Variants in CCDC12 observed in about 807,000 individuals in gnomAD.
CCDC12 encodes coiled-coil domain-containing protein 12.
CCDC12 carries 28 observed loss-of-function variants against 25.7 expected under a neutral mutation model. The ratio of observed to expected loss-of-function variants is 1.09; its 90% CI spans 0.81 to 1.50. CCDC12 has a LOEUF of 1.50. Ranked by LOEUF, CCDC12 falls within the 40% of genes most tolerant of loss-of-function variation. The pLI, the probability that CCDC12 is intolerant of heterozygous loss-of-function variation, is 0.00. For synonymous variants in CCDC12, 75 were observed against 87.7 expected (o/e 0.86, Z 0.81); for missense variants, 198 against 210.0 (o/e 0.94, Z 0.35).
upstream of CCDC12, among the ~76,000 whole-genome samples, chr3:46,981,319 G>C (rs1209415020): frequency 1.3e-5 from 2 of 152,172 alleles, no homozygotes; most frequent in Non-Finnish European, 2.9e-5. Context: ...GGGTGTGCCT[G>C]TAATCCCAGC....
At position 46,956,758 on chromosome 3, in the gene CCDC12, C is replaced by T. The variant is rs1352048354; in HGVS notation, c.97-15693G>A. On this transcript the variant is annotated intron_variant, in intron 1 of 6. Coordinates refer to ENST00000683445, the MANE Select transcript of CCDC12 (RefSeq NM_001277074.2). ...ATCATCTGAGCCCAGGAGGTTGAGG[C>T]TGCAGTGAGATTGCACCACTGCACT... Among the ~76,000 whole-genome samples, 3 of 14,514 alleles carry T rather than the reference C, an allele frequency of 2.1e-4. No homozygotes were observed. In the Non-Finnish European group the frequency reaches 0.013, roughly 64 times the overall value. The allele number at this position is 14,514 out of a possible 152,430, so 9.5% of individuals were successfully genotyped here. A position where few individuals can be genotyped will look rare whatever the true frequency, so the allele number is the denominator to read the frequency against.
chr3:46,931,794 C>T (rs1361007128), intron 2 of CCDC12, among the ~76,000 whole-genome samples: 5 of 152,228 alleles, frequency 3.3e-5, no homozygotes, highest in South Asian at 2.1e-4. Flanking sequence ...GCCCAGGATG[C>T]GCCTGCAGGC....
intron 2 of CCDC12, among the ~76,000 whole-genome samples, chr3:46,938,219 C>A (rs2033534672): frequency 6.6e-6 from 1 of 152,158 alleles, no homozygotes; most frequent in African/African-American, 2.4e-5. Context: ...GGGCCCTGCA[C>A]CTGCCCAGCT....
chr3:46,935,657 C>G (rs1328981535), intron 2 of CCDC12, among the ~76,000 whole-genome samples: 2 of 152,164 alleles, frequency 1.3e-5, no homozygotes, highest in African/African-American at 4.8e-5. Context: ...TCATCCATGC[C>G]TCTACAGAGT....
chr3:46,961,407 T>G (rs1406794392), intron 1 of CCDC12, among the ~76,000 whole-genome samples: 1 of 152,120 alleles, frequency 6.6e-6, no homozygotes, highest in African/African-American at 2.4e-5. Flanking sequence ...CTATCGGAGG[T>G]AACACATATT....
At chr3:46,941,930 G>GCTAT (rs930023619) in intron 1 of CCDC12, among the ~76,000 whole-genome samples, 4 of 152,250 alleles carry the variant, frequency 2.6e-5, no homozygotes, top group African/African-American at 9.6e-5. Context: ...CTAGGCCTAT[G>GCTAT]CTATATTCAG....
At chr3:46,935,304 C>T (rs1443721283) in intron 2 of CCDC12, among the ~76,000 whole-genome samples, 1 of 152,126 alleles carries the variant, frequency 6.6e-6, no homozygotes, top group African/African-American at 2.4e-5. Flanking sequence ...CTTGTTCAGG[C>T]ACTTTCTGGC....
chr3:46,943,835 G>C (rs1163780493), intron 1 of CCDC12, among the ~76,000 whole-genome samples: 1 of 152,268 alleles, frequency 6.6e-6, no homozygotes, highest in Non-Finnish European at 1.5e-5. Flanking sequence ...GCTGTGCAAA[G>C]AGCAGGGGCT....
chr3:46,973,337 G>A (rs932112669), intron 1 of CCDC12, among the ~76,000 whole-genome samples: 4 of 139,194 alleles, frequency 2.9e-5, no homozygotes, highest in African/African-American at 1.1e-4. Flanking sequence ...TGGGCAACAA[G>A]AGCGAAGCTC....
chr3:46,959,528 A>G (rs1029474700), intron 1 of CCDC12, among the ~76,000 whole-genome samples: 59 of 152,160 alleles, frequency 3.9e-4, no homozygotes, highest in African/African-American at 1.1e-3. Context: ...GGGGTCACAT[A>G]ACAGATCCCC....
intron 1 of CCDC12, among the ~76,000 whole-genome samples, chr3:46,941,947 AG>A (rs2107140297): frequency 6.6e-6 from 1 of 152,390 alleles, no homozygotes; most frequent in African/African-American, 2.4e-5. Context: ...TCAGGGAGAC[AG>A]AGGCAAGGGG....
At chr3:46,939,244 T>C (rs2033591772) in intron 2 of CCDC12, among the ~76,000 whole-genome samples, 1 of 152,220 alleles carries the variant, frequency 6.6e-6, no homozygotes, top group African/African-American at 2.4e-5. Flanking sequence ...GCTTTTTTCC[T>C]TCACTCAACA....
intron 1 of CCDC12, among the ~76,000 whole-genome samples, chr3:46,964,626 G>A (rs982828907): frequency 6.6e-6 from 1 of 152,134 alleles, no homozygotes; most frequent in Non-Finnish European, 1.5e-5. Flanking sequence ...CTTCTGCCTT[G>A]GGATCCTGTT....
At chr3:46,980,324 C>T (rs2035232843), upstream of CCDC12, among the ~76,000 whole-genome samples, 2 of 152,146 alleles carry the variant, frequency 1.3e-5, no homozygotes, top group African/African-American at 4.8e-5. Context: ...TGAGCTGCCT[C>T]TCCCTTGGGC....
chr3:46,979,715 C>A (rs1336980343), upstream of CCDC12: 2 of 308,644 alleles, frequency 6.5e-6, no homozygotes, highest in Admixed American at 5.1e-5. Context: ...CCGCGGAGGC[C>A]ACAGCCGCAG....
In CCDC12 at chr3:46,923,672, G is replaced by C. The variant is rs755169155; in HGVS notation, c.245-4C>G. The C allele has an allele frequency of 2.6e-6, 4 of 1,540,212 alleles. No individual in the cohort carries two copies. Among genetic ancestry groups the C allele is most frequent in the Admixed American group, 2.0e-5 (1 of 50,864 alleles). On this transcript the variant is annotated splice_polypyrimidine_tract_variant and splice_region_variant and intron_variant, in intron 3 of 6. Coordinates refer to ENST00000683445, the MANE Select transcript of CCDC12 (RefSeq NM_001277074.2). Reference sequence around the variant, plus strand: ...TGCTCCTTCACCTTCTCCTCCACTAGAGGGTGCAATTAAACAGAGAAGGCC... The same window carrying C: ...TGCTCCTTCACCTTCTCCTCCACTACAGGGTGCAATTAAACAGAGAAGGCC...
At chr3:46,967,434 G>C (rs1275540609) in intron 1 of CCDC12, among the ~76,000 whole-genome samples, 2 of 152,002 alleles carry the variant, frequency 1.3e-5, no homozygotes, top group Non-Finnish European at 2.9e-5. Context: ...ACCTCCCACT[G>C]TTCACTCTAC....
intron 1 of CCDC12, among the ~76,000 whole-genome samples, chr3:46,954,093 C>T (rs1034095771): frequency 8.5e-6 from 1 of 118,032 alleles, no homozygotes; most frequent in African/African-American, 3.1e-5. Flanking sequence ...AAACCCCTTC[C>T]CCATTGCCTC....
intron 1 of CCDC12, chr3:46,966,160 G>C (rs182898107): frequency 1.3e-5 from 2 of 152,590 alleles, no homozygotes; most frequent in East Asian, 1.9e-4. Context: ...GACAGGGGAG[G>C]GGGGAGTGTA....
Sources: gnomAD v4.1 joint callset for allele counts (sites outside exome capture counted in the v4.1 genomes callset) on GRCh38, gnomAD v4.1.1 for gene constraint, MANE v1.5 for transcripts, NCBI Gene and HGNC (gene_info 2026-07-23, HGNC 2026-07-21) for gene names.